The following MTCL1 variants were observed in gnomAD, a reference collection of about 807,000 sequenced individuals.
MTCL1 encodes the protein microtubule cross-linking factor 1.
Under a neutral mutation model 141.4 loss-of-function variants are expected in MTCL1, and 79 were observed. The observed-to-expected ratio is 0.56, with a 90% CI of 0.47 to 0.67. The LOEUF (loss-of-function observed/expected upper bound fraction) is 0.67, where lower values mean the gene tolerates loss of function less well. MTCL1 is among the 30% of genes least tolerant of loss of function. The pLI, the probability that MTCL1 is intolerant of heterozygous loss-of-function variation, is 0.00. For synonymous variants in MTCL1, 914 were observed against 875.8 expected, an observed-to-expected ratio of 1.04 and a Z score of -0.77; for missense variants, 2,177 against 2,113.9, an observed-to-expected ratio of 1.03 and a Z score of -0.59.
intron 1 of MTCL1, among the ~76,000 whole-genome samples, chr18:8,707,904 C>A (rs762971871): frequency 6.6e-6 from 1 of 152,288 alleles, no homozygotes; most frequent in East Asian, 1.9e-4. Context: ...TCTTATGGAG[C>A]TGCTCCAACC....
chr18:8,804,589 T>C (rs1404471914), intron 10 of MTCL1, among the ~76,000 whole-genome samples: 1 of 152,236 alleles, frequency 6.6e-6, no homozygotes, highest in Non-Finnish European at 1.5e-5. Context: ...TCTTCAAATG[T>C]TAACTGACTT....
upstream of MTCL1, among the ~76,000 whole-genome samples, chr18:8,716,432 G>T (rs2096128533): frequency 1.3e-5 from 2 of 152,124 alleles, no homozygotes. Context: ...TGCAGGTAAG[G>T]TTGACCGAAG....
chr18:8,819,283 A>T, intron 13 of MTCL1, 24 bp downstream of exon 12: 1 of 1,610,188 alleles, frequency 6.2e-7, no homozygotes, highest in Non-Finnish European at 8.5e-7. Context: ...TGTCCATCCT[A>T]GTTAACCACT....
At chr18:8,786,432 A>C in intron 7 of MTCL1, 1 of 493,344 alleles carries the variant, frequency 2.0e-6, no homozygotes, top group Non-Finnish European at 4.0e-6. Flanking sequence ...AGGGATGAAA[A>C]CCCAGCACGG....
At chr18:8,825,825 A>C (rs1372930399) in exon 15 of MTCL1, 1 of 1,614,202 alleles carries the variant, frequency 6.2e-7, no homozygotes, top group Admixed American at 1.7e-5. Context: ...GCACACCACC[A>C]TTAATGATGG....
Position 8,785,851 on chromosome 18 carries a change from C to T in MTCL1, c.1732-85C>T, listed in dbSNP as rs1449055530. 7 of 1,496,140 alleles carry T rather than the reference C, an allele frequency of 4.7e-6. No homozygotes were observed. In the East Asian group the frequency reaches 6.9e-5, roughly 15 times the overall value. 92.7% of individuals were successfully genotyped at this position (1,496,140 alleles called of 1,614,324 possible). A position where few individuals can be genotyped will look rare whatever the true frequency, so the allele number is the denominator to read the frequency against. ...TGTTTTCTTTATCCCCCCTCCCTGC[C>T]TCCACCCTTGTCCTTTGTTTGTTTG... On this transcript the variant is annotated intron_variant, in intron 6 of 16. Coordinates refer to ENST00000359865, the Ensembl canonical transcript of MTCL1.
At chr18:8,713,858 A>T (rs1042351771), upstream of MTCL1, among the ~76,000 whole-genome samples, 3 of 152,190 alleles carry the variant, frequency 2.0e-5, no homozygotes. Context: ...CAGGAAGATC[A>T]CTTGAGCCCA....
chr18:8,770,825 G>A (rs887061772), intron 4 of MTCL1, among the ~76,000 whole-genome samples: 1 of 152,182 alleles, frequency 6.6e-6, no homozygotes, highest in Non-Finnish European at 1.5e-5. Flanking sequence ...CACTGGATCT[G>A]AGAAGTGGAT....
chr18:8,706,248 C>A (rs1343812419), exon 1 of MTCL1: 4 of 1,228,696 alleles, frequency 3.3e-6, no homozygotes, highest in Middle Eastern at 2.1e-4. Flanking sequence ...TGGCCGGGTC[C>A]CCGGCCCGCT....
rs953545102 is a variant in MTCL1, at chr18:8,825,453, C to T, written c.3943C>T (p.Arg1315Trp). 43 of 1,592,116 alleles carry T rather than the reference C, an allele frequency of 2.7e-5. No homozygotes were observed. Among genetic ancestry groups the T allele is most frequent in the Middle Eastern group, 3.3e-4 (2 of 5,982 alleles). The change falls in exon 15 of 17, where the codon CGG (arginine) becomes TGG (tryptophan). Residue 1315 changes from arginine (R) to tryptophan (W), a missense_variant. By Grantham distance (101) the Arg-to-Trp change is moderately radical (BLOSUM62 -3). Coordinates refer to ENST00000359865, the Ensembl canonical transcript of MTCL1. The stretch of plus-strand genomic sequence containing the variant: ...CATGGCCTGCCAGACCAATGGGTCC[C>T]GGACGATGGGGACCCAGACTGTTCA...
intron 10 of MTCL1, among the ~76,000 whole-genome samples, chr18:8,806,198 A>G (rs62086626): frequency 1.5e-4 from 23 of 152,264 alleles, no homozygotes; most frequent in Non-Finnish European, 3.4e-4. Flanking sequence ...GCCTTCCTGA[A>G]CAGGTTATGC....
intron 4 of MTCL1, among the ~76,000 whole-genome samples, chr18:8,770,089 G>T (rs923406545): frequency 6.6e-6 from 1 of 152,196 alleles, no homozygotes; most frequent in Non-Finnish European, 1.5e-5. Context: ...AAATATGGGC[G>T]ATTGGGCTAT....
At chr18:8,771,066 G>C (rs1182854147) in intron 4 of MTCL1, among the ~76,000 whole-genome samples, 1 of 152,178 alleles carries the variant, frequency 6.6e-6, no homozygotes, top group African/African-American at 2.4e-5. Flanking sequence ...AGTGCCCGTG[G>C]CTGAACGAGA....
At chr18:8,804,244 A>G (rs1179849427) in intron 10 of MTCL1, among the ~76,000 whole-genome samples, 1 of 151,186 alleles carries the variant, frequency 6.6e-6, no homozygotes, top group South Asian at 2.1e-4. Flanking sequence ...GTACTTATAT[A>G]ATTTTTAGAT....
intron 11 of MTCL1, chr18:8,809,299 T>C (rs2076401490): frequency 1.0e-6 from 1 of 963,616 alleles, no homozygotes; most frequent in African/African-American, 1.7e-5. Flanking sequence ...GACGCATCTT[T>C]ATGGTCACTA....
At chr18:8,776,954 G>C (rs995304957) in intron 4 of MTCL1, among the ~76,000 whole-genome samples, 2 of 152,102 alleles carry the variant, frequency 1.3e-5, no homozygotes, top group African/African-American at 4.8e-5. Context: ...TTTTTGTGTG[G>C]CTGGGCGTGG....
Position 8,809,900 on chromosome 18 carries a change from T to C in MTCL1, c.2604+2840T>C, listed in dbSNP as rs1598760897. 2.3e-5 allele frequency: 8 copies of C among 341,430 alleles called. No homozygotes were observed. The East Asian group carries it at 4.1e-4, about 18-fold the overall frequency. 21.2% of individuals were successfully genotyped at this position (341,430 alleles called of 1,614,324 possible). On this transcript the variant is annotated intron_variant, in intron 11 of 16. Transcript: ENST00000359865. ...AATGAGGAGGTGGGAGGCAGGGCCA[T>C]GGAGGACGCTGCAGGACTGTGCACA...
At chr18:8,786,612 G>A (rs1034598366) in intron 7 of MTCL1, 11 of 340,606 alleles carry the variant, frequency 3.2e-5, no homozygotes, top group Non-Finnish European at 6.4e-5. Context: ...TGTCACCACA[G>A]TAACCCGGTA....
intron 5 of MTCL1, chr18:8,782,747 A>C (rs1328140813): frequency 1.3e-5 from 2 of 152,286 alleles, no homozygotes; most frequent in Non-Finnish European, 2.9e-5. Flanking sequence ...TTGCACTTGC[A>C]TGGCAAGAGG....
Sources: allele counts gnomAD v4.1 joint callset (sites outside exome capture counted in the v4.1 genomes callset), GRCh38; gene constraint gnomAD v4.1.1; transcripts MANE v1.5; gene names NCBI Gene and HGNC (gene_info 2026-07-23, HGNC 2026-07-21).